The following ITFG1 variants were observed in gnomAD, a reference collection of about 807,000 sequenced individuals.
ITFG1 encodes integrin alpha FG-GAP repeat containing 1, also known as T-cell immunomodulatory protein.
Under a neutral mutation model 81.8 loss-of-function variants are expected in ITFG1, and 34 were observed. The observed-to-expected ratio is 0.42, with a 90% CI of 0.32 to 0.55. The LOEUF (loss-of-function observed/expected upper bound fraction) is 0.55, where lower values mean the gene tolerates loss of function less well. Ranked by LOEUF, ITFG1 falls within the 20% of genes least tolerant of loss-of-function variation. ITFG1 has a pLI of 0.17. For synonymous variants in ITFG1, 285 were observed against 270.6 expected, an observed-to-expected ratio of 1.05 and a Z score of -0.52; for missense variants, 672 against 755.4, an observed-to-expected ratio of 0.89 and a Z score of 1.29.
At chr16:47,186,825 C>G (rs1227608375) in intron 14 of ITFG1, among the ~76,000 whole-genome samples, 1 of 152,192 alleles carries the variant, frequency 6.6e-6, no homozygotes, top group Non-Finnish European at 1.5e-5. Flanking sequence ...CAAATTGTCC[C>G]TGTTTGCAGA....
At chr16:47,405,635 G>A (rs1968718688) in intron 6 of ITFG1, among the ~76,000 whole-genome samples, 1 of 152,174 alleles carries the variant, frequency 6.6e-6, no homozygotes, top group South Asian at 2.1e-4. Context: ...TTTACAATAT[G>A]TGTACTGGGG....
At chr16:47,387,124 C>T (rs1277581997) in intron 6 of ITFG1, among the ~76,000 whole-genome samples, 1 of 152,178 alleles carries the variant, frequency 6.6e-6, no homozygotes, top group Non-Finnish European at 1.5e-5. Context: ...CTGGCAATTA[C>T]TGAAGCCTAA....
rs1408635742 is a variant in ITFG1, at chr16:47,187,916, G to A, written c.1454-25252C>T. ...ACAATGAACTCAAACAAATTTACAA[G>A]AAAAAAACAAACAACCACATCAAAA... On this transcript the variant is annotated intron_variant, in intron 14 of 17. Transcript: ENST00000320640. 2.6e-5 allele frequency among the ~76,000 whole-genome samples: 4 copies of A among 151,712 alleles called. No homozygotes were observed. The East Asian group carries it at 7.7e-4, about 29-fold the overall frequency.
intron 10 of ITFG1, among the ~76,000 whole-genome samples, chr16:47,310,208 A>G (rs1967235775): frequency 6.6e-6 from 1 of 152,220 alleles, no homozygotes; most frequent in Non-Finnish European, 1.5e-5. Flanking sequence ...TAGTTTAGGG[A>G]CACTCACTAA....
At chr16:47,234,222 CTA>C (rs1965846976) in intron 13 of ITFG1, among the ~76,000 whole-genome samples, 1 of 152,132 alleles carries the variant, frequency 6.6e-6, no homozygotes, top group Non-Finnish European at 1.5e-5. Context: ...TTTAAAATAA[CTA>C]TGATTAACAT....
chr16:47,307,051 G>A (rs1967174308), intron 10 of ITFG1, among the ~76,000 whole-genome samples: 1 of 112,034 alleles, frequency 8.9e-6, no homozygotes, highest in South Asian at 3.1e-4. Context: ...TGGAGATTGC[G>A]CCACTGCACT....
At chr16:47,259,519 AT>A (rs1966180175) in intron 11 of ITFG1, among the ~76,000 whole-genome samples, 1 of 152,212 alleles carries the variant, frequency 6.6e-6, no homozygotes. Flanking sequence ...ACAAGATTTG[AT>A]TGCAGGAGAA....
chr16:47,434,567 G>A (rs939095418), intron 5 of ITFG1, among the ~76,000 whole-genome samples: 1 of 152,192 alleles, frequency 6.6e-6, no homozygotes, highest in Non-Finnish European at 1.5e-5. Context: ...TGGCAAGGTT[G>A]TGGAGAAAAA....
At chr16:47,340,958 A>G (rs1967773658) in intron 8 of ITFG1, among the ~76,000 whole-genome samples, 1 of 152,208 alleles carries the variant, frequency 6.6e-6, no homozygotes, top group South Asian at 2.1e-4. Context: ...TCATACATAC[A>G]CCTAAAAACA....
At chr16:47,217,485 G>A (rs1965638536) in intron 14 of ITFG1, among the ~76,000 whole-genome samples, 1 of 152,162 alleles carries the variant, frequency 6.6e-6, no homozygotes. Flanking sequence ...AAGTCTAAAA[G>A]AATTAACTGA....
intron 6 of ITFG1, among the ~76,000 whole-genome samples, chr16:47,410,031 C>A (rs1235185920): frequency 6.6e-6 from 1 of 152,038 alleles, no homozygotes; most frequent in Admixed American, 6.6e-5. Context: ...CCCAGCACTC[C>A]GGGAGGCCAA....
chr16:47,215,553 C>T (rs1445731497), intron 14 of ITFG1, among the ~76,000 whole-genome samples: 1 of 152,164 alleles, frequency 6.6e-6, no homozygotes, highest in East Asian at 1.9e-4. Context: ...GTCCTACACA[C>T]AGACACACTT....
chr16:47,443,192 A>T (rs573247474), intron 5 of ITFG1, among the ~76,000 whole-genome samples: 2 of 152,334 alleles, frequency 1.3e-5, no homozygotes, highest in African/African-American at 2.4e-5. Flanking sequence ...TCAAAACCAC[A>T]ATGAGATACC....
At chr16:47,203,702 A>G (rs1965456909) in intron 14 of ITFG1, among the ~76,000 whole-genome samples, 1 of 152,218 alleles carries the variant, frequency 6.6e-6, no homozygotes, top group Non-Finnish European at 1.5e-5. Context: ...GCAGCTGTAA[A>G]TACAGATGAA....
At chr16:47,443,317 A>C (rs1386652165) in intron 5 of ITFG1, among the ~76,000 whole-genome samples, 1 of 152,214 alleles carries the variant, frequency 6.6e-6, no homozygotes, top group Non-Finnish European at 1.5e-5. Flanking sequence ...AAACTAGTTC[A>C]ACCATTGTGG....
chr16:47,330,951 A>C (rs1967629066), intron 8 of ITFG1, among the ~76,000 whole-genome samples: 1 of 152,178 alleles, frequency 6.6e-6, no homozygotes, highest in South Asian at 2.1e-4. Context: ...CTACCATTCT[A>C]CCCAGTAATC....
At chr16:47,186,496 C>G (rs1262728891) in intron 14 of ITFG1, among the ~76,000 whole-genome samples, 1 of 152,094 alleles carries the variant, frequency 6.6e-6, no homozygotes, top group Non-Finnish European at 1.5e-5. Flanking sequence ...AGAAACAGAA[C>G]CAAAGACAAA....
chr16:47,442,051 G>A (rs1181080733), intron 5 of ITFG1, among the ~76,000 whole-genome samples: 1 of 152,110 alleles, frequency 6.6e-6, no homozygotes, highest in African/African-American at 2.4e-5. Context: ...CAAACAGAGA[G>A]CCAAATCATG....
intron 14 of ITFG1, among the ~76,000 whole-genome samples, chr16:47,169,943 T>C (rs185911256): frequency 1.3e-5 from 2 of 152,338 alleles, no homozygotes; most frequent in Admixed American, 1.3e-4. Context: ...GAAATGACCA[T>C]ATATTATTTT....
Sources: allele counts gnomAD v4.1 joint callset (sites outside exome capture counted in the v4.1 genomes callset), GRCh38; gene constraint gnomAD v4.1.1; transcripts MANE v1.5; gene names NCBI Gene and HGNC (gene_info 2026-07-23, HGNC 2026-07-21).